ADAMTSL1: variants seen among roughly 807,000 people sequenced by gnomAD.
ADAMTSL1 encodes ADAMTS-like protein 1.
A neutral mutation model predicts 201.8 loss-of-function variants in ADAMTSL1; 126 were observed. The ratio of observed to expected loss-of-function variants is 0.62; its 90% confidence interval spans 0.54 to 0.72. The LOEUF (loss-of-function observed/expected upper bound fraction) is 0.72. ADAMTSL1 is among the 30% of genes least tolerant of loss of function. ADAMTSL1 has a pLI of 0.00. For synonymous variants in ADAMTSL1, 1,121 were observed against 903.4 expected, an observed-to-expected ratio of 1.24 and a Z score of -4.32; for missense variants, 2,679 against 2,277.8, an observed-to-expected ratio of 1.18 and a Z score of -3.59.
At chr9:18,833,533 C>A (rs371457666) in intron 23 of ADAMTSL1, among the ~76,000 whole-genome samples, 5 of 152,118 alleles carry the variant, frequency 3.3e-5, no homozygotes, top group African/African-American at 1.2e-4. Context: ...ACATCTTTGC[C>A]CACTTTTTAA....
chr9:18,336,545 T>C (rs1835250485), intron 2 of ADAMTSL1, among the ~76,000 whole-genome samples: 1 of 152,168 alleles, frequency 6.6e-6, no homozygotes, highest in African/African-American at 2.4e-5. Context: ...AACCATGTGG[T>C]TTATATCAAA....
intron 3 of ADAMTSL1, among the ~76,000 whole-genome samples, chr9:18,538,948 C>A (rs770869123): frequency 6.6e-6 from 1 of 152,100 alleles, no homozygotes; most frequent in Non-Finnish European, 1.5e-5. Context: ...CAGAGAAATA[C>A]CCCTGAAGTC....
chr9:18,818,644 T>C (rs1352264433), intron 21 of ADAMTSL1, among the ~76,000 whole-genome samples: 1 of 151,954 alleles, frequency 6.6e-6, no homozygotes, highest in Non-Finnish European at 1.5e-5. Context: ...AATACAAAAA[T>C]TAGCCATGTG....
intron 1 of ADAMTSL1, among the ~76,000 whole-genome samples, chr9:17,972,243 A>G (rs1818234262): frequency 7.3e-6 from 1 of 137,928 alleles, no homozygotes; most frequent in Middle Eastern, 3.7e-3. Flanking sequence ...TACATGTGCC[A>G]TGTTGGTGTG....
At chr9:18,716,082 C>T (rs1326734227) in intron 14 of ADAMTSL1, among the ~76,000 whole-genome samples, 2 of 150,656 alleles carry the variant, frequency 1.3e-5, no homozygotes, top group Non-Finnish European at 3.0e-5. Flanking sequence ...ATACAAAAAT[C>T]AATTCAAGAT....
intron 1 of ADAMTSL1, among the ~76,000 whole-genome samples, chr9:17,918,461 G>T (rs72695918): frequency 0.043 from 6,559 of 151,428 alleles, 211 homozygotes; most frequent in Non-Finnish European, 0.06. Context: ...TTGTGTTATT[G>T]ATTTCTAGTT....
chr9:18,223,709 C>G (rs1205449056), intron 2 of ADAMTSL1, among the ~76,000 whole-genome samples: 2 of 151,958 alleles, frequency 1.3e-5, no homozygotes, highest in African/African-American at 4.8e-5. Context: ...ATGTATTGTA[C>G]CTGAAAATTC....
At chr9:18,653,619 GA>G (rs10570129) in intron 7 of ADAMTSL1, among the ~76,000 whole-genome samples, 16,687 of 137,702 alleles carry the variant, frequency 0.12, 861 homozygotes, top group Admixed American at 0.15. Flanking sequence ...CTATGAAAAA[GA>G]AAAAAAAAAA....
chr9:18,861,887 C>T (rs1305632633), intron 23 of ADAMTSL1, among the ~76,000 whole-genome samples: 1 of 152,156 alleles, frequency 6.6e-6, no homozygotes, highest in East Asian at 1.9e-4. Flanking sequence ...CACCACTCAA[C>T]TCTCCCCCGT....
At chr9:18,005,915 G>T (rs1408481218) in intron 1 of ADAMTSL1, among the ~76,000 whole-genome samples, 1 of 151,926 alleles carries the variant, frequency 6.6e-6, no homozygotes, top group Non-Finnish European at 1.5e-5. Context: ...TTTTGCATAG[G>T]TCATGTCTTC....
At chr9:18,269,091 T>A (rs938505442) in intron 2 of ADAMTSL1, among the ~76,000 whole-genome samples, 1 of 152,152 alleles carries the variant, frequency 6.6e-6, no homozygotes, top group African/African-American at 2.4e-5. Flanking sequence ...AAACCAGATA[T>A]ATGTTAATTT....
intron 5 of ADAMTSL1, among the ~76,000 whole-genome samples, chr9:18,632,885 A>G (rs1826866112): frequency 6.6e-6 from 1 of 152,022 alleles, no homozygotes; most frequent in African/African-American, 2.4e-5. Context: ...AGGAAATACT[A>G]TTTCACCTGG....
chr9:18,604,635 T>C (rs1253666599), intron 4 of ADAMTSL1, among the ~76,000 whole-genome samples: 3 of 152,230 alleles, frequency 2.0e-5, no homozygotes, highest in Admixed American at 1.3e-4. Flanking sequence ...TGTATGAATA[T>C]ATAACATTTT....
intron 1 of ADAMTSL1, among the ~76,000 whole-genome samples, chr9:18,123,750 C>A (rs1284205173): frequency 2.0e-5 from 3 of 152,176 alleles, no homozygotes; most frequent in Admixed American, 6.6e-5. Flanking sequence ...TCCCTGTAGC[C>A]ATTAGCAGAC....
intron 1 of ADAMTSL1, among the ~76,000 whole-genome samples, chr9:17,991,625 C>T (rs1030882043): frequency 3.3e-5 from 5 of 152,164 alleles, no homozygotes; most frequent in Admixed American, 6.5e-5. Context: ...TGTCCTACTG[C>T]ATTGCCTAAG....
At chr9:18,533,067 A>G (rs1265344588) in intron 2 of ADAMTSL1, among the ~76,000 whole-genome samples, 180 bp from the exon 3 acceptor site, 2 of 152,110 alleles carry the variant, frequency 1.3e-5, no homozygotes, top group Non-Finnish European at 2.9e-5. Flanking sequence ...AAATCAATTT[A>G]CATCTATAAC....
chr9:18,638,964 A>C (rs1827270901), intron 6 of ADAMTSL1, among the ~76,000 whole-genome samples: 1 of 152,132 alleles, frequency 6.6e-6, no homozygotes, highest in African/African-American at 2.4e-5. Context: ...ATAGGGTTGC[A>C]GTAAAGCGGG....
At chr9:18,314,781 G>GTTTT (rs1563880361) in intron 2 of ADAMTSL1, among the ~76,000 whole-genome samples, 3 of 67,910 alleles carry the variant, frequency 4.4e-5, no homozygotes, top group Non-Finnish European at 6.1e-5. Flanking sequence ...TCGGCAGCGT[G>GTTTT]CTTTTTTTTT....
intron 1 of ADAMTSL1, among the ~76,000 whole-genome samples, chr9:18,127,060 T>C (rs1198036631): frequency 1.3e-5 from 2 of 152,148 alleles, no homozygotes; most frequent in Admixed American, 6.5e-5. Context: ...CTAGGAGTTG[T>C]AAAGACAGCA....
Sources: allele counts gnomAD v4.1 joint callset (sites outside exome capture counted in the v4.1 genomes callset), GRCh38; gene constraint gnomAD v4.1.1; transcripts MANE v1.5; gene names NCBI Gene and HGNC (gene_info 2026-07-23, HGNC 2026-07-21).